The following EPHA6 variants were observed in gnomAD, a reference collection of about 807,000 sequenced individuals.
EPHA6 encodes ephrin type-A receptor 6.
In EPHA6, 50 loss-of-function variants were observed where a neutral mutation model predicts 112.0. That is an observed-to-expected ratio of 0.45 (90% CI 0.36 to 0.56). EPHA6 has a LOEUF of 0.56. Ranked by LOEUF, EPHA6 falls within the 20% of genes least tolerant of loss-of-function variation. EPHA6 has a pLI of 0.00. For missense variants in EPHA6, 1,280 were observed against 1,417.4 expected, an observed-to-expected ratio of 0.90 and a Z score of 1.56; for synonymous variants, 529 against 490.7, an observed-to-expected ratio of 1.08 and a Z score of -1.03.
chr3:97,228,199 A>T (rs1333922921), intron 4 of EPHA6, among the ~76,000 whole-genome samples: 4 of 152,136 alleles, frequency 2.6e-5, no homozygotes, highest in African/African-American at 9.7e-5. Context: ...TTTGGGGAAC[A>T]GGTGGTGTTT....
At position 97,596,879 on chromosome 3, in the gene EPHA6, T is replaced by C. The variant is rs1419680486; in HGVS notation, c.2512+4142T>C. 1.7e-4 allele frequency among the ~76,000 whole-genome samples: 5 copies of C among 28,676 alleles called. No homozygotes were observed. The Admixed American group carries it at 3.7e-3, about 21-fold the overall frequency. 18.8% of individuals were successfully genotyped at this position (28,676 alleles called of 152,430 possible). A position where few individuals can be genotyped will look rare whatever the true frequency, so the allele number is the denominator to read the frequency against. On this transcript the variant is annotated intron_variant, in intron 12 of 17. Transcript: ENST00000389672. ...CAATTCCATATATATCTATGGAATA[T>C]ATATATATATATATATATATATATA...
chr3:97,416,255 A>T (rs1285326514), intron 6 of EPHA6, among the ~76,000 whole-genome samples: 1 of 152,082 alleles, frequency 6.6e-6, no homozygotes, highest in African/African-American at 2.4e-5. Context: ...GCAGATCCAG[A>T]ATTATTTCCT....
intron 12 of EPHA6, 75 bp downstream of exon 12, chr3:97,592,812 T>C: frequency 2.1e-6 from 3 of 1,417,566 alleles, no homozygotes; most frequent in Non-Finnish European, 2.8e-6. Context: ...AGGCCCCAAA[T>C]ACAAAATGAA....
chr3:97,628,403 C>T (rs1266820524), intron 13 of EPHA6, among the ~76,000 whole-genome samples: 1 of 151,934 alleles, frequency 6.6e-6, no homozygotes, highest in African/African-American at 2.4e-5. Flanking sequence ...ATACATAAAA[C>T]TCCTAGAACA....
chr3:97,580,286 C>T (rs957310572), intron 11 of EPHA6, among the ~76,000 whole-genome samples: 1 of 152,158 alleles, frequency 6.6e-6, no homozygotes, highest in Admixed American at 6.5e-5. Flanking sequence ...CATTCACCAC[C>T]CCTAGTGGAA....
At chr3:96,861,688 C>T (rs2036015569) in intron 1 of EPHA6, among the ~76,000 whole-genome samples, 1 of 151,908 alleles carries the variant, frequency 6.6e-6, no homozygotes, top group Admixed American at 6.6e-5. Flanking sequence ...AATGAACACC[C>T]TCTATGTTAA....
chr3:97,720,560 C>A, intron 15 of EPHA6, 150 bp downstream of exon 15: 1 of 618,050 alleles, frequency 1.6e-6, no homozygotes, highest in East Asian at 3.3e-5. Context: ...GCTGAGTAAC[C>A]TTTCACTCTG....
intron 11 of EPHA6, among the ~76,000 whole-genome samples, chr3:97,548,273 A>C (rs2092984065): frequency 6.6e-6 from 1 of 152,222 alleles, no homozygotes; most frequent in South Asian, 2.1e-4. Flanking sequence ...GTGGCATCAC[A>C]GAAATTATAC....
In EPHA6 at chr3:97,475,443, CT is replaced by C; in HGVS notation, c.1988del (p.Phe663SerfsTer2). On this transcript the variant is annotated frameshift_variant, in exon 8 of 18. Transcript: ENST00000389672. LOFTEE classifies it high-confidence loss of function. ...CTCTCCTCGTCATCCTCACTTTATT[CT>C]TCTTGATCACTGGGAGGTAACTGAA... is the stretch of plus-strand genomic sequence containing the variant. The part of the protein sequence containing the change: ...FTLLVILTLF[F>X]LITGRCQWYI... 1 of 1,610,430 alleles carries C rather than the reference CT, an allele frequency of 6.2e-7. No homozygotes were observed. The highest frequency in any genetic ancestry group is 8.5e-7 in the Non-Finnish European group (1 of 1,177,764).
intron 3 of EPHA6, among the ~76,000 whole-genome samples, chr3:96,994,811 T>TATATATAG (rs1339513767): frequency 1.4e-4 from 20 of 140,674 alleles, no homozygotes; most frequent in African/African-American, 5.4e-4. Flanking sequence ...TATATATATA[T>TATATATAG]AGAGAGAGAG....
At chr3:97,479,940 C>T (rs1200156420) in intron 9 of EPHA6, among the ~76,000 whole-genome samples, 1 of 152,134 alleles carries the variant, frequency 6.6e-6, no homozygotes, top group Non-Finnish European at 1.5e-5. Context: ...CAACATCCAC[C>T]TCCACCTCCA....
At chr3:97,308,292 C>T (rs1186303805) in intron 5 of EPHA6, among the ~76,000 whole-genome samples, 3 of 151,632 alleles carry the variant, frequency 2.0e-5, no homozygotes, top group Non-Finnish European at 3.0e-5. Context: ...AAATTATAAT[C>T]CTGTAATCAT....
intron 1 of EPHA6, among the ~76,000 whole-genome samples, chr3:96,863,109 A>G (rs754933379): frequency 1.3e-5 from 2 of 151,990 alleles, no homozygotes; most frequent in Non-Finnish European, 2.9e-5. Flanking sequence ...CAATTTCTCA[A>G]TTTATGCTAT....
At chr3:97,002,293 A>C (rs1478794418) in intron 3 of EPHA6, among the ~76,000 whole-genome samples, 2 of 151,470 alleles carry the variant, frequency 1.3e-5, no homozygotes, top group Non-Finnish European at 3.0e-5. Context: ...TGCTATTATG[A>C]ACTAATTCAC....
intron 5 of EPHA6, among the ~76,000 whole-genome samples, chr3:97,247,287 A>C (rs1449072530): frequency 3.3e-5 from 5 of 151,986 alleles, no homozygotes; most frequent in African/African-American, 1.2e-4. Flanking sequence ...ATAAACTTTC[A>C]ATTTATTTAA....
At chr3:97,614,397 C>T (rs1371443346) in intron 13 of EPHA6, among the ~76,000 whole-genome samples, 10 of 147,658 alleles carry the variant, frequency 6.8e-5, no homozygotes, top group Non-Finnish European at 3.0e-5. Flanking sequence ...TGTAGTGGCA[C>T]GATCTTGGCT....
At chr3:97,614,970 C>G (rs1408148225) in intron 13 of EPHA6, among the ~76,000 whole-genome samples, 2 of 152,132 alleles carry the variant, frequency 1.3e-5, no homozygotes, top group Non-Finnish European at 2.9e-5. Context: ...GGGTGGGGAC[C>G]AAGATGGCTG....
intron 5 of EPHA6, among the ~76,000 whole-genome samples, chr3:97,389,977 T>C (rs1449384547): frequency 6.6e-6 from 1 of 152,114 alleles, no homozygotes; most frequent in Non-Finnish European, 1.5e-5. Flanking sequence ...AAGTGATTTG[T>C]GAACAACAAT....
At chr3:97,668,371 T>TG (rs1159086819) in intron 14 of EPHA6, among the ~76,000 whole-genome samples, 2 of 152,178 alleles carry the variant, frequency 1.3e-5, no homozygotes, top group Admixed American at 1.3e-4. Context: ...AACATCCCAG[T>TG]GCCAAGATTC....
Sources: allele counts gnomAD v4.1 joint callset (sites outside exome capture counted in the v4.1 genomes callset), GRCh38; gene constraint gnomAD v4.1.1; transcripts MANE v1.5; gene names NCBI Gene and HGNC (gene_info 2026-07-23, HGNC 2026-07-21).